The following NCKAP5 variants were observed in gnomAD, a reference collection of about 807,000 sequenced individuals.
NCKAP5 encodes the protein nck-associated protein 5.
A neutral mutation model predicts 167.0 loss-of-function variants in NCKAP5; 92 were observed. The observed-to-expected ratio is 0.55, with a 90% CI of 0.47 to 0.66. NCKAP5 has a LOEUF of 0.66. Among genes scored for constraint, NCKAP5 ranks in the 30% least tolerant of loss-of-function variants. NCKAP5 has a pLI of 0.00. For missense variants in NCKAP5, 2,378 were observed against 2,315.0 expected, an observed-to-expected ratio of 1.03 and a Z score of -0.56; for synonymous variants, 891 against 877.4, an observed-to-expected ratio of 1.02 and a Z score of -0.27.
chr2:133,487,512 T>TA (rs1278131863), intron 3 of NCKAP5, among the ~76,000 whole-genome samples: 14 of 152,172 alleles, frequency 9.2e-5, no homozygotes. Context: ...GTGGAGGCAA[T>TA]AGAGATTAAG....
intron 4 of NCKAP5, among the ~76,000 whole-genome samples, chr2:133,229,039 C>G (rs1336448577): frequency 6.6e-6 from 1 of 152,132 alleles, no homozygotes; most frequent in East Asian, 1.9e-4. Flanking sequence ...AAAATAATAT[C>G]TATTCCACTA....
At chr2:132,911,633 T>C (rs1423129160) in intron 8 of NCKAP5, among the ~76,000 whole-genome samples, 7 of 152,200 alleles carry the variant, frequency 4.6e-5, no homozygotes, top group African/African-American at 1.7e-4. Flanking sequence ...TGTGTTTGTA[T>C]GTGTGTATAT....
chr2:133,673,198 A>G, the NCKAP5 span, among the ~76,000 whole-genome samples: 1 of 151,770 alleles, frequency 6.6e-6, no homozygotes, highest in Admixed American at 6.6e-5. Flanking sequence ...TCATTAAGTC[A>G]CCTCCACTGC....
chr2:132,809,904 T>C (rs1200207270), intron 11 of NCKAP5, among the ~76,000 whole-genome samples: 1 of 152,182 alleles, frequency 6.6e-6, no homozygotes, highest in East Asian at 1.9e-4. Flanking sequence ...TTTCAAGAGG[T>C]TCTGTTTTGA....
chr2:132,928,690 A>G (rs1238514596), intron 8 of NCKAP5, among the ~76,000 whole-genome samples: 8 of 152,312 alleles, frequency 5.3e-5, no homozygotes, highest in East Asian at 3.9e-4. Context: ...CACGAATTTG[A>G]ACATAACTAT....
intron 6 of NCKAP5, among the ~76,000 whole-genome samples, chr2:133,055,136 A>T (rs1029195729): frequency 6.6e-6 from 1 of 152,186 alleles, no homozygotes; most frequent in African/African-American, 2.4e-5. Flanking sequence ...TTGTTCTCTA[A>T]GAGTCTTGAG....
At chr2:133,141,541 G>A (rs562913057) in intron 5 of NCKAP5, among the ~76,000 whole-genome samples, 2 of 152,114 alleles carry the variant, frequency 1.3e-5, no homozygotes, top group Non-Finnish European at 2.9e-5. Flanking sequence ...CTATAATTAT[G>A]CACTCTTTTA....
Position 132,895,267 on chromosome 2 carries a change from T to C in NCKAP5, c.580-16351A>G, listed in dbSNP as rs182380669. Among the ~76,000 whole-genome samples the C allele has an allele frequency of 4.8e-3, 718 of 149,912 alleles. 5 individuals are homozygous for C. The highest frequency in any genetic ancestry group is 9.1e-3 in the Admixed American group (137 of 15,048). On this transcript the variant is annotated intron_variant, in intron 8 of 19. Coordinates refer to ENST00000409261, the MANE Select transcript of NCKAP5 (RefSeq NM_207363.3). ...AATAGCGTGAACCCGGGAGGCGGAG[T>C]TTGCGGTGAGCCGAGATCGCGTCAC...
chr2:132,959,235 A>G (rs577089582), intron 8 of NCKAP5, among the ~76,000 whole-genome samples: 3 of 152,190 alleles, frequency 2.0e-5, no homozygotes, highest in African/African-American at 7.2e-5. Context: ...ACAGCACTGT[A>G]ATTGTCATCA....
intron 16 of NCKAP5, among the ~76,000 whole-genome samples, chr2:132,763,598 T>C (rs1026100538): frequency 3.3e-5 from 5 of 152,218 alleles, no homozygotes; most frequent in Non-Finnish European, 7.3e-5. Context: ...GTGATTCTGA[T>C]GTACTGCAAA....
chr2:133,290,728 C>CTTTTTTTTTTTTTTTTTTTTTTT (rs58758295), intron 4 of NCKAP5, among the ~76,000 whole-genome samples: 75 of 89,322 alleles, frequency 8.4e-4, no homozygotes, highest in Middle Eastern at 7.4e-3. Flanking sequence ...AGAATTTCTC[C>CTTTTTTTTTTTTTTTTTTTTTTT]TTTTTTTTTT....
intron 3 of NCKAP5, among the ~76,000 whole-genome samples, chr2:133,316,590 G>A (rs1681625698): frequency 1.3e-5 from 2 of 152,208 alleles, no homozygotes; most frequent in African/African-American, 4.8e-5. Flanking sequence ...GAAAGCATTT[G>A]TGGATGTGCA....
chr2:133,308,624 T>C (rs1680977802), intron 3 of NCKAP5, among the ~76,000 whole-genome samples: 1 of 151,944 alleles, frequency 6.6e-6, no homozygotes, highest in South Asian at 2.1e-4. Flanking sequence ...GGGTATGTCT[T>C]ATTTTCCAAA....
intron 4 of NCKAP5, among the ~76,000 whole-genome samples, chr2:133,222,598 A>C (rs2086703412): frequency 7.7e-6 from 1 of 130,378 alleles, no homozygotes; most frequent in Admixed American, 7.6e-5. Context: ...ATAACATCTT[A>C]GTATTCTTAT....
chr2:133,191,972 T>C (rs1363945612), intron 5 of NCKAP5, among the ~76,000 whole-genome samples: 5 of 152,002 alleles, frequency 3.3e-5, no homozygotes, highest in Non-Finnish European at 5.9e-5. Flanking sequence ...TTCTAAAATA[T>C]ATATGGAAAG....
At chr2:133,635,709 C>T in the NCKAP5 span, among the ~76,000 whole-genome samples, 41 of 152,224 alleles carry the variant, frequency 2.7e-4, no homozygotes. Flanking sequence ...ACCAAATATA[C>T]AGTCTTGTGT....
chr2:132,973,702 T>A (rs1238118844), intron 7 of NCKAP5, among the ~76,000 whole-genome samples: 4 of 151,754 alleles, frequency 2.6e-5, no homozygotes, highest in Admixed American at 6.6e-5. Context: ...TGTATTTCTA[T>A]CTTCCCATTT....
chr2:132,695,735 G>A (rs765333605), intron 19 of NCKAP5, among the ~76,000 whole-genome samples: 9 of 152,130 alleles, frequency 5.9e-5, no homozygotes, highest in Non-Finnish European at 8.8e-5. Flanking sequence ...TACTTTTACC[G>A]TTCTGTTACC....
the NCKAP5 span, among the ~76,000 whole-genome samples, chr2:133,621,750 TAGAG>T: frequency 6.6e-6 from 1 of 152,070 alleles, no homozygotes; most frequent in African/African-American, 2.4e-5. Context: ...TTCCAAAAGA[TAGAG>T]AAAGAGAGAA....
Sources: allele counts gnomAD v4.1 joint callset (sites outside exome capture counted in the v4.1 genomes callset), GRCh38; gene constraint gnomAD v4.1.1; transcripts MANE v1.5; gene names NCBI Gene and HGNC (gene_info 2026-07-23, HGNC 2026-07-21).